Variants in FAM161A observed in about 807,000 individuals in gnomAD.
FAM161A encodes FAM161 centrosomal protein A.
FAM161A carries 57 observed loss-of-function variants against 70.9 expected under a neutral mutation model. The ratio of observed to expected loss-of-function variants is 0.80; its 90% CI spans 0.65 to 1.00. The LOEUF (loss-of-function observed/expected upper bound fraction) is 1.00. Ranked by LOEUF, FAM161A falls within the 50% of genes least tolerant of loss-of-function variation. The probability of loss-of-function intolerance (pLI) is 0.00; values close to 1 mark genes in which losing one functional copy is unlikely to be tolerated. For missense variants in FAM161A, 880 were observed against 836.0 expected (o/e 1.05, Z -0.65); for synonymous variants, 299 against 295.7 (o/e 1.01, Z -0.12).
chr2:61,823,045 G>A (rs1167878353), downstream of FAM161A, among the ~76,000 whole-genome samples: 2 of 151,280 alleles, frequency 1.3e-5, no homozygotes, highest in East Asian at 2.0e-4. Flanking sequence ...TAACTCAACA[G>A]AGTAAAAGAA....
the FAM161A span, among the ~76,000 whole-genome samples, chr2:61,802,266 A>G: frequency 1.3e-5 from 2 of 152,164 alleles, no homozygotes; most frequent in African/African-American, 4.8e-5. Flanking sequence ...CCTTCTCTGG[A>G]GCACCCCAAT....
Position 61,825,707 on chromosome 2 carries a change from G to C in FAM161A, c.*748C>G, listed in dbSNP as rs749105952. 1.4e-5 allele frequency: 6 copies of C among 415,148 alleles called. No individual in the cohort carries two copies. Among genetic ancestry groups the C allele is most frequent in the Admixed American group, 3.0e-5 (1 of 33,108 alleles). 25.7% of individuals were successfully genotyped at this position (415,148 alleles called of 1,614,324 possible). ...AGCTGGAGTGCAGTGGCGCGATCTC[G>C]GCTCACTGCAAGCTCTGCCTCCTGG... On this transcript the variant is annotated 3_prime_UTR_variant, in exon 7 of 7. Coordinates refer to ENST00000404929, the MANE Select transcript of FAM161A (RefSeq NM_001201543.2).
intron 1 of FAM161A, among the ~76,000 whole-genome samples, chr2:61,853,508 T>C (rs1673569186): frequency 6.6e-6 from 1 of 152,198 alleles, no homozygotes; most frequent in South Asian, 2.1e-4. Context: ...AGAACAGTTT[T>C]CCTCAAATTA....
At chr2:61,838,986 G>A (rs1259100509) in intron 3 of FAM161A, among the ~76,000 whole-genome samples, 1 of 151,374 alleles carries the variant, frequency 6.6e-6, no homozygotes, top group Admixed American at 6.6e-5. Flanking sequence ...GGATTCAAGC[G>A]ATTCTCCTGC....
the FAM161A span, among the ~76,000 whole-genome samples, chr2:61,806,678 G>GTTTTT: frequency 8.7e-5 from 7 of 80,062 alleles, no homozygotes; most frequent in African/African-American, 3.4e-4. Context: ...TGCTTTCCAC[G>GTTTTT]TCTTTTTTTT....
Position 61,842,204 on chromosome 2 carries a change from C to T in FAM161A, c.340G>A (p.Glu114Lys), listed in dbSNP as rs2105086718. The T allele has an allele frequency of 2.5e-6, 4 of 1,613,960 alleles. No homozygotes were observed. The highest frequency in any genetic ancestry group is 2.2e-5 in the East Asian group (1 of 44,878). The part of the protein sequence containing the change: ...AAHIETMAKL[E>K]KMYQDKLHLK... The stretch of plus-strand genomic sequence containing the variant: ...TGTAATTTATCCTGGTACATTTTCT[C>T]TAATTTTGCCATAGTTTCTATGTGG... The change falls in exon 2 of 7, where the codon GAG becomes AAG. Residue 114 changes from glutamate (E) to lysine (K), a missense_variant. Glu to Lys is a moderately conservative substitution (Grantham distance 56). Transcript: ENST00000404929.
At chr2:61,851,823 T>TG (rs1247216186) in intron 1 of FAM161A, among the ~76,000 whole-genome samples, 1 of 50,932 alleles carries the variant, frequency 2.0e-5, no homozygotes, top group East Asian at 5.5e-4. Flanking sequence ...GGGGGCAGTG[T>TG]GGGGTGGGAT....
Position 61,840,464 on chromosome 2 carries a change from G to A in FAM161A, c.540C>T (p.Asn180=). ...TTTTCCTAGGATACTCTTTTTCTAG[G>A]TTGGGTAACTCCTCTTCAGAGGAGG... ...YVSSSEEELP[N]LEKEYPRKNR... is the part of the protein sequence containing the mutation. Residue 180 remains asparagine, a synonymous_variant, in exon 3 of 7, where the codon AAC becomes AAT. Coordinates refer to ENST00000404929, the MANE Select transcript of FAM161A (RefSeq NM_001201543.2). The A allele has an allele frequency of 1.2e-6, 2 of 1,613,954 alleles. No individual in the cohort carries two copies. Among genetic ancestry groups the A allele is most frequent in the South Asian group, 1.1e-5 (1 of 91,074 alleles).
At chr2:61,835,117 T>G (rs895923611) in intron 5 of FAM161A, among the ~76,000 whole-genome samples, 1 of 152,244 alleles carries the variant, frequency 6.6e-6, no homozygotes, top group South Asian at 2.1e-4. Flanking sequence ...ACATGTCCAC[T>G]GTCCTCAATG....
At chr2:61,848,125 C>T (rs1374767424) in intron 1 of FAM161A, among the ~76,000 whole-genome samples, 1 of 152,154 alleles carries the variant, frequency 6.6e-6, no homozygotes, top group Non-Finnish European at 1.5e-5. Context: ...TAGAATATCT[C>T]TTAAAAATCA....
rs1403348659 is a variant in FAM161A, at chr2:61,836,087, T to C, written c.1774A>G (p.Arg592Gly). The C allele has an allele frequency of 3.1e-6, 5 of 1,610,220 alleles. No individual in the cohort carries two copies. The highest frequency in any genetic ancestry group is 4.2e-6 in the Non-Finnish European group (5 of 1,178,290). ...TCTTCTAGTTCTCGTTGGTATTCTC[T>C]CATCCTTTCCTTTTCGCTCTTTCTA... ...CLRKSEKERM[R>G]EYQRELEERE... is the part of the protein sequence containing the mutation. The change falls in exon 5 of 7, where the codon AGA (arginine) becomes GGA (glycine). Residue 592 changes from arginine (R) to glycine (G), a missense_variant. Transcript: ENST00000404929.
intron 5 of FAM161A, among the ~76,000 whole-genome samples, chr2:61,835,195 G>T (rs1397732460): frequency 6.6e-6 from 1 of 152,152 alleles, no homozygotes; most frequent in Non-Finnish European, 1.5e-5. Context: ...ACTGTCTATT[G>T]TCCAATTATA....
chr2:61,817,379 C>G, the FAM161A span, among the ~76,000 whole-genome samples: 4 of 152,192 alleles, frequency 2.6e-5, no homozygotes, highest in African/African-American at 9.7e-5. Flanking sequence ...GTACCTGGTA[C>G]AAGCTCTTAA....
chr2:61,801,727 A>C, the FAM161A span, among the ~76,000 whole-genome samples: 1 of 151,922 alleles, frequency 6.6e-6, no homozygotes, highest in African/African-American at 2.4e-5. Flanking sequence ...CGCCTGGCTA[A>C]TTTTTGTATT....
Position 61,840,067 on chromosome 2 carries a change from T to C in FAM161A, c.937A>G (p.Lys313Glu). 6.2e-7 allele frequency: 1 copy of C among 1,614,212 alleles called. No homozygotes were observed. The highest frequency in any genetic ancestry group is 1.1e-5 in the South Asian group (1 of 91,088). The change falls in exon 3 of 7, where the codon AAA becomes GAA. Residue 313 changes from lysine (K) to glutamate (E), a missense_variant. Coordinates refer to ENST00000404929, the MANE Select transcript of FAM161A (RefSeq NM_001201543.2). ...GAGGCCAAAAGAGCTTCTTTGCTTTTCTCCTTCAGAGACCTTCTCCGTTCT... is the reference window on the plus strand; with the variant it reads ...GAGGCCAAAAGAGCTTCTTTGCTTTCCTCCTTCAGAGACCTTCTCCGTTCT... ...KEERRRSLKE[K>E]SKEALLASQK...
At chr2:61,847,706 G>T (rs1202508828) in intron 1 of FAM161A, among the ~76,000 whole-genome samples, 1 of 151,906 alleles carries the variant, frequency 6.6e-6, no homozygotes, top group Non-Finnish European at 1.5e-5. Flanking sequence ...CAGGAGGTTG[G>T]GGCTGCAGTG....
Position 61,839,696 on chromosome 2 carries a change from C to T in FAM161A, c.1308G>A (p.Glu436=). The change falls in exon 3 of 7, where the codon GAG becomes GAA. Residue 436 remains glutamate, a synonymous_variant. Coordinates refer to ENST00000404929, the MANE Select transcript of FAM161A (RefSeq NM_001201543.2). ...CPTPDFEDLP[E]RYQKHLSEHK... ...GTTCTGAGAGGTGTTTCTGGTATCT[C>T]TCAGGAAGGTCCTCAAAATCAGGAG... is the stretch of plus-strand genomic sequence containing the variant. 6.2e-7 allele frequency: 1 copy of T among 1,614,156 alleles called. No homozygotes were observed. Among genetic ancestry groups the T allele is most frequent in the Non-Finnish European group, 8.5e-7 (1 of 1,180,048 alleles).
At chr2:61,846,127 A>G (rs889642071) in intron 1 of FAM161A, among the ~76,000 whole-genome samples, 7 of 149,420 alleles carry the variant, frequency 4.7e-5, no homozygotes, top group African/African-American at 1.7e-4. Context: ...GGAGAAATCT[A>G]TAGGATCACA....
At position 61,827,133 on chromosome 2, in the gene FAM161A, C is replaced by T. The variant is rs1672396591; in HGVS notation, c.1977G>A (p.Glu659=). 1 of 1,613,786 alleles carries T rather than the reference C, an allele frequency of 6.2e-7. No homozygotes were observed. Among genetic ancestry groups the T allele is most frequent in the Non-Finnish European group, 8.5e-7 (1 of 1,180,012 alleles). ...GKVLEYFNNQ[E]TKSVTEDKES... ...CTTTGTCTTCAGTGACACTTTTCGTCTCTTGATTGTTGAAGTACTCAAGTA... is the reference window on the plus strand; with the variant it reads ...CTTTGTCTTCAGTGACACTTTTCGTTTCTTGATTGTTGAAGTACTCAAGTA... The change falls in exon 6 of 7, where the codon GAG becomes GAA. Residue 659 remains glutamate (E), a synonymous_variant. Transcript: ENST00000404929.
Sources: gnomAD v4.1 joint callset for allele counts (sites outside exome capture counted in the v4.1 genomes callset) on GRCh38, gnomAD v4.1.1 for gene constraint, MANE v1.5 for transcripts, NCBI Gene and HGNC (gene_info 2026-07-23, HGNC 2026-07-21) for gene names.